Variants in STAG2 observed in about 807,000 individuals in gnomAD.
STAG2 encodes the protein cohesin subunit SA-2.
A neutral mutation model predicts 108.1 loss-of-function variants in STAG2; 14 were observed. The observed-to-expected ratio is 0.13, with a 90% CI of 0.09 to 0.20. The LOEUF (loss-of-function observed/expected upper bound fraction) is 0.20, where lower values mean the gene tolerates loss of function less well. Ranked by LOEUF, STAG2 falls within the 10% of genes least tolerant of loss-of-function variation. STAG2 has a pLI of 1.00. For synonymous variants in STAG2, 307 were observed against 302.7 expected (o/e 1.01, Z -0.15); for missense variants, 440 against 940.9 (o/e 0.47, Z 6.96).
intron 32 of STAG2, among the ~76,000 whole-genome samples, chrX:124,091,391 C>T (rs1214465020): frequency 2.7e-5 from 3 of 111,788 alleles, no homozygotes; most frequent in Non-Finnish European, 3.8e-5. Flanking sequence ...CCATCATTCA[C>T]ACCACCATCA....
intron 34 of STAG2, among the ~76,000 whole-genome samples, chrX:124,099,954 G>A (rs2059473597): frequency 9.0e-6 from 1 of 111,393 alleles, no homozygotes; most frequent in Admixed American, 9.6e-5. Context: ...TCCTTTCTCA[G>A]TTGGAGTATA....
At chrX:124,050,880 A>G (rs2148222605) in intron 11 of STAG2, among the ~76,000 whole-genome samples, 1 of 111,810 alleles carries the variant, frequency 8.9e-6, no homozygotes, top group Non-Finnish European at 1.9e-5. Context: ...TTTGTTCTGA[A>G]CAAATTTTCA....
intron 7 of STAG2, 96 bp downstream of exon 7, chrX:124,042,741 G>GAGCCACCATGCCCA: frequency 1.6e-6 from 1 of 640,436 alleles, no homozygotes; most frequent in Non-Finnish European, 2.5e-6. Context: ...GGCTGGGCAT[G>GAGCCACCATGCCCA]GTGGCTCATG....
intron 5 of STAG2, among the ~76,000 whole-genome samples, chrX:124,032,470 A>G (rs980161510): frequency 9.0e-6 from 1 of 111,346 alleles, no homozygotes; most frequent in African/African-American, 3.3e-5. Flanking sequence ...GCTACAGGCA[A>G]TAGTTTTTTT....
chrX:123,963,653 G>A (rs1018044648), intron 1 of STAG2, among the ~76,000 whole-genome samples: 5 of 109,512 alleles, frequency 4.6e-5, no homozygotes, highest in African/African-American at 1.7e-4. Context: ...GCCACGTTAA[G>A]TAAGTTAATT....
At chrX:124,097,758 A>AGT in intron 34 of STAG2, 1 of 295,677 alleles carries the variant, frequency 3.4e-6, no homozygotes, top group Non-Finnish European at 6.8e-6. Context: ...GACTTTGCTC[A>AGT]GTTATACAGT....
At chrX:124,070,911 T>A (rs773661442) in intron 24 of STAG2, among the ~76,000 whole-genome samples, 1 of 111,125 alleles carries the variant, frequency 9.0e-6, no homozygotes, top group Admixed American at 9.6e-5. Context: ...TTAAAAAAAA[T>A]TTGTGAAATT....
intron 16 of STAG2, 78 bp from the exon 17 acceptor site, chrX:124,061,692 TA>T (rs1445353076): frequency 1.1e-5 from 8 of 747,630 alleles, no homozygotes; most frequent in Non-Finnish European, 1.5e-5. Context: ...AACTGTTATG[TA>T]ATAATTACAA....
intron 32 of STAG2, among the ~76,000 whole-genome samples, 195 bp downstream of exon 32, chrX:124,091,159 G>T (rs1207177612): frequency 1.8e-5 from 2 of 111,507 alleles, no homozygotes; most frequent in African/African-American, 6.5e-5. Flanking sequence ...TTAGCCAAAG[G>T]ACCAATCTTA....
At chrX:123,999,407 G>GTT (rs1173974725) in intron 1 of STAG2, among the ~76,000 whole-genome samples, 1 of 110,360 alleles carries the variant, frequency 9.1e-6, no homozygotes, top group Non-Finnish European at 1.9e-5. Context: ...ATTGAATCTG[G>GTT]TTTCTCTCTC....
chrX:124,005,368 A>G (rs1474982303), intron 1 of STAG2, among the ~76,000 whole-genome samples: 1 of 111,472 alleles, frequency 9.0e-6, no homozygotes, highest in Non-Finnish European at 1.9e-5. Context: ...TGTAAGCACT[A>G]CCACCACCAT....
At position 123,983,985 on chromosome X, in the gene STAG2, T is replaced by C. The variant is rs1371447482; in HGVS notation, c.-163+22129T>C. Among the ~76,000 whole-genome samples, 8 of 94,248 alleles carry C rather than the reference T, an allele frequency of 8.5e-5. No individual in the cohort carries two copies. In the East Asian group the frequency reaches 2.7e-3, roughly 32 times the overall value. 81.8% of individuals were successfully genotyped at this position (94,248 alleles called of 115,157 possible). On this transcript the variant is annotated intron_variant, in intron 1 of 34. Transcript: ENST00000371145. ...TTTTCTTTTCTTTTCTTTTTTTTTT[T>C]TTTTTTTTTTGAGACGGGGTTTCGC...
intron 1 of STAG2, among the ~76,000 whole-genome samples, chrX:124,006,251 CAT>C (rs1395258478): frequency 1.8e-5 from 2 of 110,695 alleles, no homozygotes; most frequent in Admixed American, 9.7e-5. Context: ...TTTACGTAGA[CAT>C]AGGTTTTCAT....
At chrX:123,969,595 C>T (rs1003998659) in intron 1 of STAG2, among the ~76,000 whole-genome samples, 36 of 110,070 alleles carry the variant, frequency 3.3e-4, no homozygotes, top group African/African-American at 1.2e-3. Context: ...ATATCAGGGC[C>T]CCAAGTTATT....
intron 7 of STAG2, among the ~76,000 whole-genome samples, chrX:124,044,117 C>G (rs1243308081): frequency 9.0e-6 from 1 of 110,873 alleles, no homozygotes; most frequent in East Asian, 2.8e-4. Context: ...TAATCACTCC[C>G]CAAGTAGTTG....
intron 7 of STAG2, among the ~76,000 whole-genome samples, chrX:124,043,823 T>C (rs900419077): frequency 9.0e-6 from 1 of 111,551 alleles, no homozygotes; most frequent in African/African-American, 3.3e-5. Context: ...GATTATTTCA[T>C]TGAGCTCTTT....
At chrX:124,006,649 C>T (rs1345874291) in intron 1 of STAG2, among the ~76,000 whole-genome samples, 1 of 110,424 alleles carries the variant, frequency 9.1e-6, no homozygotes. Flanking sequence ...CTGTGTTCAT[C>T]AGGATGGTCT....
rs989791646 is a variant in STAG2, at chrX:123,987,447, C to T, written c.-163+25591C>T. ...ATTTTTAGTAGTGACGGGGTTTTGC[C>T]TTGTTGGCCAGGCTGGTCTCAAACT... is the stretch of plus-strand genomic sequence containing the variant. On this transcript the variant is annotated intron_variant, in intron 1 of 34. Transcript: ENST00000371145. Among the ~76,000 whole-genome samples the T allele has an allele frequency of 6.4e-5, 7 of 109,743 alleles. No homozygotes were observed. In the South Asian group the frequency reaches 2.3e-3, roughly 37 times the overall value.
At chrX:123,986,619 C>T (rs1268552329) in intron 1 of STAG2, among the ~76,000 whole-genome samples, 1 of 111,460 alleles carries the variant, frequency 9.0e-6, no homozygotes, top group Non-Finnish European at 1.9e-5. Context: ...TATCATCTAC[C>T]TTGAACTAAA....
Sources: gnomAD v4.1 joint callset for allele counts (sites outside exome capture counted in the v4.1 genomes callset) on GRCh38, gnomAD v4.1.1 for gene constraint, MANE v1.5 for transcripts, NCBI Gene and HGNC (gene_info 2026-07-23, HGNC 2026-07-21) for gene names.